Variants in FGFR2 observed in about 807,000 individuals in gnomAD.
FGFR2 encodes fibroblast growth factor receptor 2.
Under a neutral mutation model 95.9 loss-of-function variants are expected in FGFR2, and 19 were observed. The observed-to-expected ratio is 0.20, with a 90% CI of 0.14 to 0.29. The LOEUF is 0.29. Ranked by LOEUF, FGFR2 falls within the 10% of genes least tolerant of loss-of-function variation. The pLI, the probability that FGFR2 is intolerant of heterozygous loss-of-function variation, is 1.00. For synonymous variants in FGFR2, 392 were observed against 393.3 expected, an observed-to-expected ratio of 1.00 and a Z score of 0.04; for missense variants, 707 against 1,056.9, an observed-to-expected ratio of 0.67 and a Z score of 4.59.
Position 121,593,729 on chromosome 10 carries a change from T to A in FGFR2, c.89A>T (p.Asp30Val), listed in dbSNP as rs2135482795. Residue 30 changes from aspartate to valine, a missense_variant, in exon 2 of 18, where the codon GAT becomes GTT. Physicochemically the swap from Asp to Val is radical, Grantham distance 152 (BLOSUM62 -3). Around this residue, in one of 7 missense-constraint regions of FGFR2, gnomAD observed 178 missense variants for 194.1 expected, o/e 0.92. Transcript: ENST00000358487. ...LARPSFSLVEDTTLEPEEPPT... is the reference protein window; with the variant it reads ...LARPSFSLVEVTTLEPEEPPT... ...CTTACCTTCTGGCTCTAATGTGGTATCCTCAACTAAACTGAAGGAGGGCCG... is the reference window on the plus strand; with the variant it reads ...CTTACCTTCTGGCTCTAATGTGGTAACCTCAACTAAACTGAAGGAGGGCCG... 6.2e-7 allele frequency: 1 copy of A among 1,614,164 alleles called. No individual in the cohort carries two copies. Among genetic ancestry groups the A allele is most frequent in the African/African-American group, 1.3e-5 (1 of 75,048 alleles).
At chr10:121,547,791 G>A (rs1264989699) in intron 5 of FGFR2, among the ~76,000 whole-genome samples, 2 of 152,102 alleles carry the variant, frequency 1.3e-5, no homozygotes, top group Non-Finnish European at 2.9e-5. Flanking sequence ...CCTTGGTCAG[G>A]CCCCAACAAG....
In FGFR2 at chr10:121,590,120, C is replaced by G. The variant is rs181229508; in HGVS notation, c.109+3589G>C. Among the ~76,000 whole-genome samples the G allele has an allele frequency of 7.1e-3, 1,081 of 152,196 alleles. 7 individuals are homozygous for G. Among genetic ancestry groups the G allele is most frequent in the Non-Finnish European group, 0.012 (845 of 68,008 alleles). Reference sequence around the variant, plus strand: ...GTTGGTCCAGGAGAGCATCACCTCTCAGAAGATTGACAAAAAATTGCTACA... The same window carrying G: ...GTTGGTCCAGGAGAGCATCACCTCTGAGAAGATTGACAAAAAATTGCTACA... On this transcript the variant is annotated intron_variant, in intron 2 of 17. Transcript: ENST00000358487.
intron 16 of FGFR2, among the ~76,000 whole-genome samples, chr10:121,484,005 A>C (rs1174863180): frequency 6.6e-6 from 1 of 151,974 alleles, no homozygotes. Flanking sequence ...ACTTACAAAA[A>C]CATGTTAGAA....
intron 17 of FGFR2, among the ~76,000 whole-genome samples, chr10:121,482,930 G>T (rs995608806): frequency 6.6e-6 from 1 of 152,110 alleles, no homozygotes; most frequent in Non-Finnish European, 1.5e-5. Flanking sequence ...CTAAGTAGCT[G>T]GGATTACAGG....
Position 121,553,815 on chromosome 10 carries a change from A to C in FGFR2, c.455-2356T>G, listed in dbSNP as rs1438015419. 2.0e-5 allele frequency among the ~76,000 whole-genome samples: 3 copies of C among 152,208 alleles called. No homozygotes were observed. The East Asian group carries it at 5.8e-4, about 29-fold the overall frequency. On this transcript the variant is annotated intron_variant, in intron 4 of 17. Coordinates refer to ENST00000358487, the MANE Select transcript of FGFR2 (RefSeq NM_000141.5). ...ATGATTTTTATGTTCCCTAAAAAAAAAGTGGGATTTAGCTGAAGGAACTAG... is the reference window on the plus strand; with the variant it reads ...ATGATTTTTATGTTCCCTAAAAAAACAGTGGGATTTAGCTGAAGGAACTAG...
chr10:121,569,765 T>C lies in FGFR2; in HGVS notation c.110-4061A>G, dbSNP rs183537167. Among the ~76,000 whole-genome samples, 194 of 152,356 alleles carry C rather than the reference T, an allele frequency of 1.3e-3. 2 individuals are homozygous for C. The highest frequency in any genetic ancestry group is 3.4e-4 in the Non-Finnish European group (23 of 68,034). ...GTCTTCAAAGTCTCAAACCAGTAAC[T>C]GCTGTCTTGGTAAACTGAGAAAGCA... On this transcript the variant is annotated intron_variant, in intron 2 of 17. Coordinates refer to ENST00000358487, the MANE Select transcript of FGFR2 (RefSeq NM_000141.5).
chr10:121,482,579 T>G (rs1259152353), intron 17 of FGFR2, among the ~76,000 whole-genome samples: 2 of 152,246 alleles, frequency 1.3e-5, no homozygotes, highest in Non-Finnish European at 2.9e-5. Context: ...AGAACACTAT[T>G]GTGCATCCTC....
At chr10:121,510,032 G>A (rs773150707) in intron 9 of FGFR2, among the ~76,000 whole-genome samples, 5 of 152,170 alleles carry the variant, frequency 3.3e-5, no homozygotes, top group South Asian at 2.1e-4. Flanking sequence ...TCTAATATAA[G>A]CCTTGCCCAC....
chr10:121,549,922 T>C (rs1486881600), intron 5 of FGFR2, among the ~76,000 whole-genome samples: 1 of 152,196 alleles, frequency 6.6e-6, no homozygotes, highest in Non-Finnish European at 1.5e-5. Context: ...AATGAGGTAA[T>C]AAATGTTGCT....
In FGFR2 at chr10:121,564,503, C is replaced by G. The variant is rs774538633; in HGVS notation, c.453G>C (p.Lys151Asn). The G allele has an allele frequency of 4.7e-5, 76 of 1,613,658 alleles. No homozygotes were observed. In the South Asian group the frequency reaches 7.8e-4, roughly 17 times the overall value. ...CATCGGAGCCGGGCAGTTACTTACT[C>G]TTGTTGTTACTGTTCTCACTGACAA... is the stretch of plus-strand genomic sequence containing the variant. ...EDFVSENSNN[K>N]RAPYWTNTEK... The change falls in exon 4 of 18, where the codon AAG (lysine) becomes AAC (asparagine). Residue 151 changes from lysine (K) to asparagine (N), a missense_variant and splice_region_variant. Lys to Asn is a moderately conservative substitution (Grantham distance 94, BLOSUM62 0). Around this residue, in one of 7 missense-constraint regions of FGFR2, gnomAD observed 178 missense variants for 194.1 expected, o/e 0.92. Transcript: ENST00000358487.
At position 121,485,562 on chromosome 10, in the gene FGFR2, C is replaced by T. The variant is rs1845300954; in HGVS notation, c.2058-30G>A. The T allele has an allele frequency of 1.2e-6, 2 of 1,613,930 alleles. No homozygotes were observed. Among genetic ancestry groups the T allele is most frequent in the South Asian group, 1.1e-5 (1 of 91,082 alleles). On this transcript the variant is annotated intron_variant, in intron 15 of 17. Coordinates refer to ENST00000358487, the MANE Select transcript of FGFR2 (RefSeq NM_000141.5). The surrounding 1 kb of genome is among the most constrained non-coding windows in gnomAD (Gnocchi z 4.2). ...AACAAAAGGAGAAAGCACGGCATTA[C>T]TAACCCATCCACGTTGCCAAAACCT...
intron 1 of FGFR2, among the ~76,000 whole-genome samples, chr10:121,595,480 C>T (rs776687757): frequency 1.3e-5 from 2 of 151,820 alleles, no homozygotes; most frequent in African/African-American, 2.4e-5. Flanking sequence ...TGTGTATGCA[C>T]GGTGTGTGTG....
chr10:121,515,033 T>C, intron 9 of FGFR2, 84 bp downstream of exon 9: 15 of 1,298,040 alleles, frequency 1.2e-5, no homozygotes, highest in Non-Finnish European at 1.7e-5. Flanking sequence ...CAGAAGTCGA[T>C]GGCATCAAAG....
chr10:121,518,807 T>C lies in FGFR2; in HGVS notation c.939+1172A>G, dbSNP rs1129323. On this transcript the variant is annotated intron_variant, in intron 7 of 17. Coordinates refer to ENST00000358487, the MANE Select transcript of FGFR2 (RefSeq NM_000141.5). This position sits in a 1 kb window ranked among gnomAD's most constrained non-coding sequence, Gnocchi z 4.0. ...ATTGAACAGAGCCAGCACTTCTGCA[T>C]TGGAACTATTTATCCCCGAGTGCTA... is the stretch of plus-strand genomic sequence containing the variant. 2 of 1,614,108 alleles carry C rather than the reference T, an allele frequency of 1.2e-6. No individual in the cohort carries two copies. The highest frequency in any genetic ancestry group is 1.7e-6 in the Non-Finnish European group (2 of 1,180,014).
chr10:121,577,012 A>C lies in FGFR2; in HGVS notation c.110-11308T>G, dbSNP rs1249512086. On this transcript the variant is annotated intron_variant, in intron 2 of 17. Coordinates refer to ENST00000358487, the MANE Select transcript of FGFR2 (RefSeq NM_000141.5). ...TAGCTGGGCATGGTGGCAGGCGCCT[A>C]TAGTCCCAGCTACTCGGGAGGCTGA... 1.1e-4 allele frequency among the ~76,000 whole-genome samples: 16 copies of C among 149,886 alleles called. No homozygotes were observed. The East Asian group carries it at 3.2e-3, about 30-fold the overall frequency.
intron 13 of FGFR2, among the ~76,000 whole-genome samples, chr10:121,496,255 T>C (rs1846791186): frequency 6.6e-6 from 1 of 151,936 alleles, no homozygotes; most frequent in African/African-American, 2.4e-5. Context: ...ATTTCCCACC[T>C]GGAGAGCTGA....
chr10:121,537,205 A>G (rs1396582076), intron 6 of FGFR2, among the ~76,000 whole-genome samples: 1 of 152,238 alleles, frequency 6.6e-6, no homozygotes, highest in African/African-American at 2.4e-5. Flanking sequence ...AACATTATTC[A>G]AGGACCTATC....
At chr10:121,509,247 T>C (rs1848701132) in intron 9 of FGFR2, among the ~76,000 whole-genome samples, 2 of 152,166 alleles carry the variant, frequency 1.3e-5, no homozygotes, top group Admixed American at 6.5e-5. Flanking sequence ...AGTAAACTGT[T>C]TTCCCACTCC....
At chr10:121,504,885 G>A (rs1037019352) in intron 9 of FGFR2, among the ~76,000 whole-genome samples, 2 of 152,128 alleles carry the variant, frequency 1.3e-5, no homozygotes, top group African/African-American at 2.4e-5. Context: ...GGATGACTAC[G>A]CAATCTTAGT....
Sources: allele counts gnomAD v4.1 joint callset (sites outside exome capture counted in the v4.1 genomes callset), GRCh38; gene constraint gnomAD v4.1.1; regional missense constraint gnomAD v4.1.1; non-coding constraint Gnocchi (gnomAD v3.1); transcripts MANE v1.5; gene names NCBI Gene and HGNC (gene_info 2026-07-23, HGNC 2026-07-21).